MEF2B: variants seen among roughly 807,000 people sequenced by gnomAD.
MEF2B encodes myocyte-specific enhancer factor 2B.
A neutral mutation model predicts 32.2 loss-of-function variants in MEF2B; 15 were observed. The observed-to-expected ratio is 0.47, with a 90% confidence interval of 0.31 to 0.72. The LOEUF (loss-of-function observed/expected upper bound fraction) is 0.72, where lower values mean the gene tolerates loss of function less well. MEF2B is among the 30% of genes least tolerant of loss of function. The pLI is 0.05. For missense variants in MEF2B, 441 were observed against 511.5 expected (o/e 0.86, Z 1.33); for synonymous variants, 205 against 225.6 (o/e 0.91, Z 0.82).
intron 1 of MEF2B, among the ~76,000 whole-genome samples, chr19:19,152,688 C>T (rs1210725172): frequency 2.0e-5 from 3 of 152,170 alleles, no homozygotes; most frequent in East Asian, 1.9e-4. Flanking sequence ...GGCAACAGAG[C>T]GAGACTCCGT....
chr19:19,150,613 T>A, intron 2 of MEF2B, 69 bp downstream of exon 2: 1 of 1,607,082 alleles, frequency 6.2e-7, no homozygotes, highest in Non-Finnish European at 8.5e-7. Context: ...GTCAGGTCAG[T>A]CCCTTGCCTA....
intron 1 of MEF2B, among the ~76,000 whole-genome samples, chr19:19,169,310 C>A (rs1211056780): frequency 6.6e-6 from 1 of 151,824 alleles, no homozygotes; most frequent in Non-Finnish European, 1.5e-5. Flanking sequence ...ACAAAGATCA[C>A]CACTGTACTC....
In MEF2B at chr19:19,169,427, C is replaced by T. The variant is rs545154927; in HGVS notation, c.-30+778G>A. 7.2e-5 allele frequency among the ~76,000 whole-genome samples: 11 copies of T among 152,222 alleles called. 2 individuals are homozygous for T. Among genetic ancestry groups the T allele is most frequent in the African/African-American group, 2.6e-4 (11 of 41,534 alleles). On this transcript the variant is annotated intron_variant, in intron 1 of 8. Transcript: ENST00000424583. ...CTATGTTGCCCAGGCTGGTCTCAAA[C>T]TACTGGGCTCAAGTGATCCTCCTGC... is the stretch of plus-strand genomic sequence containing the variant.
At position 19,146,827 on chromosome 19, in the gene MEF2B, G is replaced by A. The variant is rs1379093251; in HGVS notation, c.590C>T (p.Pro197Leu). ...FSPSHLTSKT[P>L]PPLYLPTEGR... ...TTCCGTCGGCAGGTACAGTGGGGGT[G>A]GTGTCTTGCTGGTGAGGTGGCTTGG... Residue 197 changes from proline to leucine, a missense_variant, in exon 6 of 9, where the codon CCA (proline) becomes CTA (leucine). This residue lies in a region of MEF2B where 326 missense variants were observed against 328.4 expected (regional missense o/e 0.99). Coordinates refer to ENST00000424583, the MANE Select transcript of MEF2B (RefSeq NM_001145785.2). 2 of 1,613,776 alleles carry A rather than the reference G, an allele frequency of 1.2e-6. No individual in the cohort carries two copies. The highest frequency in any genetic ancestry group is 2.2e-5 in the East Asian group (1 of 44,884).
At chr19:19,148,264 G>A (rs890951709) in intron 3 of MEF2B, among the ~76,000 whole-genome samples, 14 of 152,346 alleles carry the variant, frequency 9.2e-5, no homozygotes, top group African/African-American at 3.4e-4. Flanking sequence ...AGGAGTTTGA[G>A]ACCAGCCTGG....
chr19:19,168,564 C>T (rs2060228182), intron 1 of MEF2B, among the ~76,000 whole-genome samples: 1 of 151,402 alleles, frequency 6.6e-6, no homozygotes, highest in South Asian at 2.1e-4. Flanking sequence ...TGAGCCACCG[C>T]GCCTGGCCAT....
Position 19,147,822 on chromosome 19 carries a change from C to T in MEF2B, c.269G>A (p.Arg90Gln), listed in dbSNP as rs751724564. 2.6e-5 allele frequency: 42 copies of T among 1,613,196 alleles called. No individual in the cohort carries two copies. Among genetic ancestry groups the T allele is most frequent in the African/African-American group, 1.1e-4 (8 of 74,944 alleles). Residue 90 changes from arginine to glutamine, a missense_variant, in exon 4 of 9, where the codon CGG becomes CAG. By Grantham distance (43) the Arg-to-Gln change is conservative (BLOSUM62 1). Transcript: ENST00000424583. ...TNTDILETLK[R>Q]RGIGLDGPEL... The stretch of plus-strand genomic sequence containing the variant: ...TGGCCCATCGAGGCCAATGCCCCTC[C>T]GCTTCAGCGTCTATGGGGACAGGAG...
At chr19:19,147,939 G>A in intron 3 of MEF2B, 107 bp from the exon 4 acceptor site, 1 of 1,475,954 alleles carries the variant, frequency 6.8e-7, no homozygotes, top group Non-Finnish European at 9.0e-7. Context: ...CCATGAGTGG[G>A]GAGGAATGCA....
At chr19:19,165,994 G>A (rs1415472725) in intron 1 of MEF2B, among the ~76,000 whole-genome samples, 2 of 152,120 alleles carry the variant, frequency 1.3e-5, no homozygotes, top group African/African-American at 4.8e-5. Flanking sequence ...GGGACCTTCT[G>A]TTATTGAGCC....
At position 19,145,919 on chromosome 19, in the gene MEF2B, C is replaced by A; in HGVS notation, c.985G>T (p.Gly329Cys). ...KSERLSPAPG[G>C]PGDFPKTFPY... The stretch of plus-strand genomic sequence containing the variant: ...AAGGTCTTAGGAAAGTCGCCGGGGC[C>A]CCCGGGGGCCGGAGAGAGGCGCTCA... The change falls in exon 9 of 9, where the codon GGC becomes TGC. Residue 329 changes from glycine to cysteine, a missense_variant. This residue lies in a region of MEF2B where 326 missense variants were observed against 328.4 expected (regional missense o/e 0.99). Transcript: ENST00000424583. The surrounding 1 kb of genome is among the most constrained non-coding windows in gnomAD (Gnocchi z 4.6). 6.9e-7 allele frequency: 1 copy of A among 1,440,806 alleles called. No homozygotes were observed. Among genetic ancestry groups the A allele is most frequent in the East Asian group, 2.7e-5 (1 of 37,516 alleles). 89.3% of individuals were successfully genotyped at this position (1,440,806 alleles called of 1,614,324 possible).
chr19:19,146,117 A>G, intron 8 of MEF2B, 95 bp from the exon 9 acceptor site: 2 of 1,117,066 alleles, frequency 1.8e-6, no homozygotes, highest in Non-Finnish European at 2.4e-6. Flanking sequence ...TGGCAGGAGG[A>G]CCCTGGGAAA....
chr19:19,166,411 C>A (rs2060207822), intron 1 of MEF2B, among the ~76,000 whole-genome samples: 1 of 152,108 alleles, frequency 6.6e-6, no homozygotes, highest in South Asian at 2.1e-4. Context: ...TGGGCCAGGG[C>A]TGGGGCGAGT....
chr19:19,150,824 A>C, intron 1 of MEF2B, 60 bp from the exon 2 acceptor site: 1 of 1,586,020 alleles, frequency 6.3e-7, no homozygotes, highest in Non-Finnish European at 8.6e-7. Context: ...GGGGTACCCC[A>C]GCCTCACACC....
Position 19,149,331 on chromosome 19 carries a change from G to A in MEF2B, c.153C>T (p.Ala51=). ...TGCTGGCATACTGGAAGAGGCGGTT[G>A]GCGCTGTTGAAGATGATGAGGGCTA... is the stretch of plus-strand genomic sequence containing the variant. ...CEIALIIFNS[A]NRLFQYASTD... The change falls in exon 3 of 9, where the codon GCC becomes GCT. Residue 51 remains alanine (A), a synonymous_variant. Coordinates refer to ENST00000424583, the MANE Select transcript of MEF2B (RefSeq NM_001145785.2). 1 of 1,613,944 alleles carries A rather than the reference G, an allele frequency of 6.2e-7. No individual in the cohort carries two copies. Among genetic ancestry groups the A allele is most frequent in the East Asian group, 2.2e-5 (1 of 44,780 alleles).
rs940709586 is a variant in MEF2B, at chr19:19,159,967, C to CT, written c.-29-9204dup. Among the ~76,000 whole-genome samples, 585 of 132,222 alleles carry CT rather than the reference C, an allele frequency of 4.4e-3. 2 individuals carry two copies. Among genetic ancestry groups the CT allele is most frequent in the Middle Eastern group, 7.6e-3 (2 of 264 alleles). 86.7% of individuals were successfully genotyped at this position (132,222 alleles called of 152,430 possible). On this transcript the variant is annotated intron_variant, in intron 1 of 8. Coordinates refer to ENST00000424583, the MANE Select transcript of MEF2B (RefSeq NM_001145785.2). ...GGGTAGGGAGCAGGGGTCTACTGAA[C>CT]TTTTTTTTTTTTTTTTTTTGAGATG...
chr19:19,152,206 A>G (rs2060088519), intron 1 of MEF2B, among the ~76,000 whole-genome samples: 1 of 151,050 alleles, frequency 6.6e-6, no homozygotes, highest in Admixed American at 6.6e-5. Context: ...TGATCCACCC[A>G]TCTTGGCCTC....
intron 1 of MEF2B, among the ~76,000 whole-genome samples, chr19:19,162,229 C>T (rs183523285): frequency 6.6e-6 from 1 of 152,120 alleles, no homozygotes; most frequent in African/African-American, 2.4e-5. Flanking sequence ...AGCATTCCTC[C>T]CACCTCAGAT....
chr19:19,168,605 T>C (rs1398177628), intron 1 of MEF2B, among the ~76,000 whole-genome samples: 1 of 151,390 alleles, frequency 6.6e-6, no homozygotes, highest in Non-Finnish European at 1.5e-5. Flanking sequence ...TTTTTGTTTT[T>C]CTTTTAGAGA....
chr19:19,165,144 G>T (rs111989390), intron 1 of MEF2B, among the ~76,000 whole-genome samples: 109 of 152,280 alleles, frequency 7.2e-4, no homozygotes, highest in South Asian at 1.9e-3. Flanking sequence ...GCAGGAGCAG[G>T]GGGTGGGCAG....
Sources: gnomAD v4.1 joint callset for allele counts (sites outside exome capture counted in the v4.1 genomes callset) on GRCh38, gnomAD v4.1.1 for gene constraint, gnomAD v4.1.1 regional missense constraint, Gnocchi (gnomAD v3.1) non-coding constraint, MANE v1.5 for transcripts, NCBI Gene and HGNC (gene_info 2026-07-23, HGNC 2026-07-21) for gene names.